The following PLPPR5 variants were observed in gnomAD, a reference collection of about 807,000 sequenced individuals.
PLPPR5 encodes the protein phospholipid phosphatase-related protein type 5.
PLPPR5 carries 16 observed loss-of-function variants against 33.9 expected under a neutral mutation model. That is an observed-to-expected ratio of 0.47 (90% CI 0.32 to 0.72). The LOEUF is 0.72. Among genes scored for constraint, PLPPR5 ranks in the 30% least tolerant of loss-of-function variants. PLPPR5 has a pLI of 0.03. For synonymous variants in PLPPR5, 163 were observed against 150.3 expected (o/e 1.08, Z -0.62); for missense variants, 301 against 406.7 (o/e 0.74, Z 2.23).
chr1:98,904,153 G>C (rs1648805796), intron 5 of PLPPR5, among the ~76,000 whole-genome samples: 1 of 152,004 alleles, frequency 6.6e-6, no homozygotes, highest in Non-Finnish European at 1.5e-5. Flanking sequence ...CTGTTAAAAG[G>C]GGTGTGCTTT....
At chr1:98,902,443 A>T (rs1648730258) in intron 5 of PLPPR5, among the ~76,000 whole-genome samples, 1 of 152,132 alleles carries the variant, frequency 6.6e-6, no homozygotes, top group Non-Finnish European at 1.5e-5. Context: ...TCAGATTTTC[A>T]GATCATAAAT....
At chr1:98,958,515 T>C (rs924247854) in intron 1 of PLPPR5, among the ~76,000 whole-genome samples, 1 of 152,108 alleles carries the variant, frequency 6.6e-6, no homozygotes, top group East Asian at 1.9e-4. Context: ...GTGGATTGAG[T>C]TGGGAGAGAT....
intron 5 of PLPPR5, among the ~76,000 whole-genome samples, chr1:98,911,052 C>A (rs1421660976): frequency 2.0e-5 from 3 of 152,160 alleles, no homozygotes; most frequent in Non-Finnish European, 4.4e-5. Flanking sequence ...TCCCTTTCTG[C>A]CTGATGAACA....
Position 98,959,889 on chromosome 1 carries a change from C to T in PLPPR5, c.238-3148G>A, listed in dbSNP as rs147500611. On this transcript the variant is annotated intron_variant, in intron 1 of 5. Coordinates refer to ENST00000263177, the MANE Select transcript of PLPPR5 (RefSeq NM_001037317.2). Reference sequence around the variant, plus strand: ...ACAGAGAGTTGCTGTCATTAGACGCCGATGTCAAATGCCTGTCCATCACAT... The same window carrying T: ...ACAGAGAGTTGCTGTCATTAGACGCTGATGTCAAATGCCTGTCCATCACAT... Among the ~76,000 whole-genome samples the T allele has an allele frequency of 2.1e-3, 317 of 152,212 alleles. 2 individuals carry two copies. The highest frequency in any genetic ancestry group is 3.5e-3 in the Non-Finnish European group (241 of 68,032).
chr1:98,892,499 TA>T lies in PLPPR5; in HGVS notation c.*572del, dbSNP rs1199332592. 2.0e-5 allele frequency: 3 copies of T among 152,512 alleles called. No homozygotes were observed. Among genetic ancestry groups the T allele is most frequent in the Non-Finnish European group, 4.4e-5 (3 of 68,096 alleles). The allele number at this position is 152,512 out of a possible 1,614,324, so 9.4% of individuals were successfully genotyped here. Reference sequence around the variant, plus strand: ...GTATTTTAAGTGAAATATAACATAATATAATGTGGAAACATTATTTTACTAT... The same window carrying T: ...GTATTTTAAGTGAAATATAACATAATTAATGTGGAAACATTATTTTACTAT... On this transcript the variant is annotated 3_prime_UTR_variant, in exon 6 of 6. Coordinates refer to ENST00000263177, the MANE Select transcript of PLPPR5 (RefSeq NM_001037317.2).
chr1:98,999,770 C>T (rs182351575), intron 1 of PLPPR5, among the ~76,000 whole-genome samples: 18 of 152,294 alleles, frequency 1.2e-4, no homozygotes, highest in Admixed American at 9.8e-4. Flanking sequence ...ACAATGACGC[C>T]AGCACCCTTG....
intron 4 of PLPPR5, among the ~76,000 whole-genome samples, chr1:98,919,416 T>C (rs1010930964): frequency 3.3e-5 from 5 of 152,142 alleles, no homozygotes; most frequent in African/African-American, 1.2e-4. Context: ...TATTTTGGAA[T>C]CACTTTAGAA....
At chr1:98,946,366 C>T (rs886178530) in intron 3 of PLPPR5, among the ~76,000 whole-genome samples, 7 of 152,146 alleles carry the variant, frequency 4.6e-5, no homozygotes, top group African/African-American at 1.7e-4. Flanking sequence ...TTTCTCAGTT[C>T]CACATTGCTT....
At chr1:98,903,440 C>T (rs1648775857) in intron 5 of PLPPR5, among the ~76,000 whole-genome samples, 1 of 152,142 alleles carries the variant, frequency 6.6e-6, no homozygotes, top group South Asian at 2.1e-4. Flanking sequence ...GAATTTATCA[C>T]AGGGAACACA....
intron 1 of PLPPR5, among the ~76,000 whole-genome samples, chr1:98,962,230 G>A (rs796946259): frequency 1.5e-4 from 23 of 152,170 alleles, no homozygotes; most frequent in African/African-American, 5.5e-4. Flanking sequence ...TTTATGGTGT[G>A]CAACATAATG....
intron 2 of PLPPR5, among the ~76,000 whole-genome samples, chr1:98,953,674 C>A (rs34186657): frequency 0.12 from 17,541 of 152,110 alleles, 1,221 homozygotes; most frequent in East Asian, 0.23. Context: ...TCATGCTCTA[C>A]TAATGTTAGC....
At chr1:98,899,452 G>A (rs1648604515) in intron 5 of PLPPR5, among the ~76,000 whole-genome samples, 1 of 152,164 alleles carries the variant, frequency 6.6e-6, no homozygotes, top group Non-Finnish European at 1.5e-5. Flanking sequence ...TATCAGGGAT[G>A]TAAAATCAAT....
At chr1:98,937,178 A>G (rs928256718) in intron 3 of PLPPR5, among the ~76,000 whole-genome samples, 2 of 152,098 alleles carry the variant, frequency 1.3e-5, no homozygotes, top group Non-Finnish European at 2.9e-5. Flanking sequence ...ATGCAACAGT[A>G]AAACCTACTA....
At chr1:98,942,132 C>T (rs565869731) in intron 3 of PLPPR5, among the ~76,000 whole-genome samples, 158 of 151,860 alleles carry the variant, frequency 1.0e-3, no homozygotes, top group African/African-American at 3.6e-3. Context: ...AGTGCAGTGG[C>T]GCAATCTCGG....
intron 1 of PLPPR5, among the ~76,000 whole-genome samples, chr1:99,002,772 A>C (rs1411169709): frequency 6.6e-6 from 1 of 152,080 alleles, no homozygotes; most frequent in African/African-American, 2.4e-5. Context: ...TAGAATGGGA[A>C]TTAAAGGATG....
chr1:98,921,313 A>G (rs973781932), intron 4 of PLPPR5, among the ~76,000 whole-genome samples: 5 of 152,168 alleles, frequency 3.3e-5, no homozygotes, highest in Non-Finnish European at 7.4e-5. Flanking sequence ...GAAACTATTC[A>G]TGAGTTTTTA....
chr1:98,898,788 C>T lies in PLPPR5; in HGVS notation c.934-5684G>A, dbSNP rs76308305. ...ACCTTTCTGTACAGTGGTTCTGTTT[C>T]AGTTCAGAGTTTTATATTGGTTCAG... On this transcript the variant is annotated intron_variant, in intron 5 of 5. Transcript: ENST00000263177. Among the ~76,000 whole-genome samples, 689 of 152,182 alleles carry T rather than the reference C, an allele frequency of 4.5e-3. 7 individuals are homozygous for T. Among genetic ancestry groups the T allele is most frequent in the African/African-American group, 0.016 (648 of 41,518 alleles).
In PLPPR5 at chr1:98,917,347, C is replaced by T. The variant is rs565269324; in HGVS notation, c.799-2427G>A. ...ACTCCAAAAACGAAGCAACTACCAC[C>T]TGTTGCCTGGATTCCTACACAGCTT... is the stretch of plus-strand genomic sequence containing the variant. On this transcript the variant is annotated intron_variant, in intron 4 of 5. Coordinates refer to ENST00000263177, the MANE Select transcript of PLPPR5 (RefSeq NM_001037317.2). Among the ~76,000 whole-genome samples, 286 of 152,320 alleles carry T rather than the reference C, an allele frequency of 1.9e-3. 1 individual carries two copies. Among genetic ancestry groups the T allele is most frequent in the Middle Eastern group, 6.8e-3 (2 of 294 alleles).
In PLPPR5 at chr1:98,930,740, G is replaced by C. The variant is rs1016085579; in HGVS notation, c.622-8682C>G. Among the ~76,000 whole-genome samples, 5 of 152,154 alleles carry C rather than the reference G, an allele frequency of 3.3e-5. No homozygotes were observed. In the South Asian group the frequency reaches 1.0e-3, roughly 32 times the overall value. On this transcript the variant is annotated intron_variant, in intron 3 of 5. Coordinates refer to ENST00000263177, the MANE Select transcript of PLPPR5 (RefSeq NM_001037317.2). ...ATTTCTAACCCTCATTAGTGAGTAA[G>C]TAAAGGGCAGGGGAGAAATTTTCCA...
Sources: allele counts gnomAD v4.1 joint callset (sites outside exome capture counted in the v4.1 genomes callset), GRCh38; gene constraint gnomAD v4.1.1; transcripts MANE v1.5; gene names NCBI Gene and HGNC (gene_info 2026-07-23, HGNC 2026-07-21).